Variants in TTC21A observed in about 807,000 individuals in gnomAD.
TTC21A encodes tetratricopeptide repeat domain 21A.
TTC21A carries 128 observed loss-of-function variants against 156.4 expected under a neutral mutation model. The observed-to-expected ratio is 0.82, with a 90% CI of 0.71 to 0.95. TTC21A has a LOEUF of 0.95. Ranked by LOEUF, TTC21A falls within the 40% of genes least tolerant of loss-of-function variation. The probability of loss-of-function intolerance (pLI) is 0.00; values close to 1 mark genes in which losing one functional copy is unlikely to be tolerated. For missense variants in TTC21A, 1,435 were observed against 1,602.3 expected, an observed-to-expected ratio of 0.90 and a Z score of 1.78; for synonymous variants, 587 against 617.1, an observed-to-expected ratio of 0.95 and a Z score of 0.72.
At chr3:39,111,634 G>A (rs1338705617) in intron 4 of TTC21A, among the ~76,000 whole-genome samples, 1 of 152,154 alleles carries the variant, frequency 6.6e-6, no homozygotes, top group Admixed American at 6.5e-5. Context: ...TGTAGACATG[G>A]TCCCTGGGGG....
rs192621628 is a variant in TTC21A, at chr3:39,109,989, C to G, written c.158-40C>G. On this transcript the variant is annotated intron_variant, in intron 2 of 28. Coordinates refer to ENST00000683103, the MANE Select transcript of TTC21A (RefSeq NM_001366900.1). The stretch of plus-strand genomic sequence containing the variant: ...CTACAGAGTCTCATGTCCTCTAGTC[C>G]TGGAGCTTGAGAGTATAACTATGTG... The G allele has an allele frequency of 4.4e-3, 6,418 of 1,473,098 alleles. 30 individuals carry two copies. The highest frequency in any genetic ancestry group is 4.7e-3 in the Non-Finnish European group (4,969 of 1,056,082). 91.3% of individuals were successfully genotyped at this position (1,473,098 alleles called of 1,614,324 possible).
At chr3:39,125,280 C>A (rs556506811) in intron 10 of TTC21A, 52 bp from the exon 11 acceptor site, 4 of 1,592,786 alleles carry the variant, frequency 2.5e-6, no homozygotes, top group African/African-American at 2.7e-5. Context: ...CCTTGCCTAC[C>A]AAATCTGCCC....
intron 9 of TTC21A, among the ~76,000 whole-genome samples, chr3:39,123,944 T>C (rs1162174843): frequency 6.6e-6 from 1 of 152,194 alleles, no homozygotes; most frequent in Non-Finnish European, 1.5e-5. Context: ...TTCTCCCTAA[T>C]AGTTAAAAAA....
At position 39,134,118 on chromosome 3, in the gene TTC21A, C is replaced by G. The variant is rs2125858218; in HGVS notation, c.2752-100C>G. ...TTCGAGACATATTTTGAAGGCAGAG[C>G]TGATAGAAGTGGGGTGTGAGGGAAA... On this transcript the variant is annotated intron_variant, in intron 20 of 28. Transcript: ENST00000683103. This position sits in a 1 kb window ranked among gnomAD's most constrained non-coding sequence, Gnocchi z 4.6. 2.6e-6 allele frequency: 2 copies of G among 766,274 alleles called. No individual in the cohort carries two copies. Among genetic ancestry groups the G allele is most frequent in the Non-Finnish European group, 4.7e-6 (2 of 426,388 alleles). 47.5% of individuals were successfully genotyped at this position (766,274 alleles called of 1,614,324 possible). A position where few individuals can be genotyped will look rare whatever the true frequency, so the allele number is the denominator to read the frequency against.
intron 19 of TTC21A, 187 bp from the exon 20 acceptor site, chr3:39,132,865 G>A: frequency 1.6e-6 from 1 of 619,982 alleles, no homozygotes; most frequent in Admixed American, 3.0e-5. Context: ...TGCCCCCAGA[G>A]GCAGTGCCAG....
chr3:39,123,847 C>G (rs760258214), intron 9 of TTC21A, among the ~76,000 whole-genome samples: 1 of 150,612 alleles, frequency 6.6e-6, no homozygotes, highest in Admixed American at 6.6e-5. Context: ...AAAAAAATCA[C>G]CCCCCCCAAA....
intron 3 of TTC21A, 83 bp from the exon 4 acceptor site, chr3:39,110,768 C>T (rs2036751832): frequency 1.3e-6 from 2 of 1,489,128 alleles, no homozygotes; most frequent in Non-Finnish European, 1.9e-6. Context: ...CGAGGTAGTT[C>T]CCTGGGCCCT....
chr3:39,111,793 T>C (rs1257494666), intron 4 of TTC21A, among the ~76,000 whole-genome samples: 1 of 152,082 alleles, frequency 6.6e-6, no homozygotes, highest in African/African-American at 2.4e-5. Flanking sequence ...CTCCTTAGGA[T>C]AGATAATAGA....
At chr3:39,124,012 G>A (rs1316566567) in intron 9 of TTC21A, among the ~76,000 whole-genome samples, 6 of 152,116 alleles carry the variant, frequency 3.9e-5, no homozygotes, top group African/African-American at 9.7e-5. Flanking sequence ...ATTACAGCAC[G>A]TTTGAGGTTA....
rs1291694920 is a variant in TTC21A, at chr3:39,130,029, A to G, written c.2136-50A>G. The G allele has an allele frequency of 4.5e-6, 7 of 1,567,688 alleles. No individual in the cohort carries two copies. The highest frequency in any genetic ancestry group is 6.1e-6 in the Non-Finnish European group (7 of 1,140,578). ...AAGTGAAGGAGATGATTTCAGGAAC[A>G]TGAGGTGTGTGCGAACCTGGGATAA... On this transcript the variant is annotated intron_variant, in intron 15 of 28. Coordinates refer to ENST00000683103, the MANE Select transcript of TTC21A (RefSeq NM_001366900.1). This position sits in a 1 kb window ranked among gnomAD's most constrained non-coding sequence, Gnocchi z 4.5.
At chr3:39,108,991 G>C in intron 1 of TTC21A, 94 bp from the exon 2 acceptor site, 2 of 1,396,338 alleles carry the variant, frequency 1.4e-6, no homozygotes, top group Non-Finnish European at 2.0e-6. Context: ...AGGAGGAGCA[G>C]GGGATAGGGA....
Position 39,134,292 on chromosome 3 carries a change from C to T in TTC21A, c.2826C>T (p.Leu942=), listed in dbSNP as rs773873334. ...TGTGTGAGCAGCACTGTGCCATCCT[C>T]CTGCAGACTGAGCAGAACCATGAGA... ...LDLCEQHCAI[L]LQTEQNHETA... The change falls in exon 21 of 29, where the codon CTC becomes CTT. Residue 942 remains leucine, a synonymous_variant. Transcript: ENST00000683103. The surrounding 1 kb of genome is among the most constrained non-coding windows in gnomAD (Gnocchi z 4.6). 3 of 1,614,070 alleles carry T rather than the reference C, an allele frequency of 1.9e-6. No individual in the cohort carries two copies. Among genetic ancestry groups the T allele is most frequent in the South Asian group, 2.2e-5 (2 of 91,072 alleles).
At chr3:39,129,037 T>C (rs1417598011) in intron 14 of TTC21A, 35 bp from the exon 15 acceptor site, 1 of 1,609,316 alleles carries the variant, frequency 6.2e-7, no homozygotes, top group South Asian at 1.1e-5. Flanking sequence ...TACTTGTGCA[T>C]CAAGTGAAGG....
At position 39,138,301 on chromosome 3, in the gene TTC21A, T is replaced by C. The variant is rs1313160700; in HGVS notation, c.3710T>C (p.Ile1237Thr). The C allele has an allele frequency of 6.2e-7, 1 of 1,614,178 alleles. No individual in the cohort carries two copies. Among genetic ancestry groups the C allele is most frequent in the Admixed American group, 1.7e-5 (1 of 60,020 alleles). ...AAGGCCTATGAGTACATGGGCTTCA[T>C]CATGGAGAAGGAGCAGTCCTACAAG... ...CYKAYEYMGF[I>T]MEKEQSYKDA... is the part of the protein sequence containing the mutation. The change falls in exon 27 of 29, where the codon ATC becomes ACC. Residue 1237 changes from isoleucine to threonine, a missense_variant. Transcript: ENST00000683103.
chr3:39,136,796 C>T, intron 23 of TTC21A, 103 bp from the exon 24 acceptor site: 1 of 1,413,196 alleles, frequency 7.1e-7, no homozygotes, highest in Non-Finnish European at 9.7e-7. Flanking sequence ...AACCAGAGAT[C>T]CAGCCTCTGC....
In TTC21A at chr3:39,125,449, C is replaced by T; in HGVS notation, c.1309C>T (p.Leu437Phe). 6.2e-7 allele frequency: 1 copy of T among 1,614,078 alleles called. No individual in the cohort carries two copies. Among genetic ancestry groups the T allele is most frequent in the Non-Finnish European group, 8.5e-7 (1 of 1,179,912 alleles). Residue 437 changes from leucine (L) to phenylalanine (F), a missense_variant, in exon 11 of 29, where the codon CTT becomes TTT. Transcript: ENST00000683103. Reference protein sequence around the residue: ...LHFSSMQGIPLGSEYFEKLDP... With the variant: ...LHFSSMQGIPFGSEYFEKLDP... The stretch of plus-strand genomic sequence containing the variant: ...CTTCTCCAGCATGCAAGGCATCCCT[C>T]TTGGCTCTGAGTACTTTGAAAAGCT...
chr3:39,131,156 A>T, intron 19 of TTC21A, 61 bp downstream of exon 19: 1 of 1,412,248 alleles, frequency 7.1e-7, no homozygotes, highest in Non-Finnish European at 9.8e-7. Flanking sequence ...CTGAAGGAGG[A>T]GGAAGGAGAG....
At chr3:39,128,218 C>T in intron 12 of TTC21A, 113 bp from the exon 13 acceptor site, 5 of 1,251,494 alleles carry the variant, frequency 4.0e-6, no homozygotes, top group Non-Finnish European at 5.6e-6. Context: ...CTAAAATACT[C>T]AATTTTGTAT....
chr3:39,134,426 A>G lies in TTC21A; in HGVS notation c.2862+98A>G. 1.2e-6 allele frequency: 1 copy of G among 860,414 alleles called. No homozygotes were observed. Among genetic ancestry groups the G allele is most frequent in the Non-Finnish European group, 2.0e-6 (1 of 495,898 alleles). The allele number at this position is 860,414 out of a possible 1,614,324, so 53.3% of individuals were successfully genotyped here. A position where few individuals can be genotyped will look rare whatever the true frequency, so the allele number is the denominator to read the frequency against. On this transcript the variant is annotated intron_variant, in intron 21 of 28. Coordinates refer to ENST00000683103, the MANE Select transcript of TTC21A (RefSeq NM_001366900.1). The surrounding 1 kb of genome is among the most constrained non-coding windows in gnomAD (Gnocchi z 4.6). Reference sequence around the variant, plus strand: ...CTACTTCCTAGCCCCGTAACCTCAGATGCCTCACTGACACACCTCTGAGGA... The same window carrying G: ...CTACTTCCTAGCCCCGTAACCTCAGGTGCCTCACTGACACACCTCTGAGGA...
Sources: gnomAD v4.1 joint callset for allele counts (sites outside exome capture counted in the v4.1 genomes callset) on GRCh38, gnomAD v4.1.1 for gene constraint, Gnocchi (gnomAD v3.1) non-coding constraint, MANE v1.5 for transcripts, NCBI Gene and HGNC (gene_info 2026-07-23, HGNC 2026-07-21) for gene names.